Variants in ZNG1E observed in about 807,000 individuals in gnomAD.
ZNG1E encodes zinc-regulated GTPase metalloprotein activator 1E.
chr9:65,708,798 ATT>A, the ZNG1E span: 1 of 595,806 alleles, frequency 1.7e-6, no homozygotes, highest in Non-Finnish European at 3.0e-6. Context: ...ACTTCTATGA[ATT>A]TTATGTATAA....
the ZNG1E span, among the ~76,000 whole-genome samples, chr9:65,666,827 T>C: frequency 1.3e-5 from 2 of 152,132 alleles, no homozygotes; most frequent in African/African-American, 2.4e-5. Context: ...TTTTCTTTTT[T>C]TTTTCCTTTG....
chr9:65,722,182 A>G, the ZNG1E span, among the ~76,000 whole-genome samples: 9 of 103,582 alleles, frequency 8.7e-5, no homozygotes, highest in South Asian at 3.7e-4. Context: ...GTGACCCTTC[A>G]TATTCAGACT....
chr9:65,680,246 A>G, the ZNG1E span, among the ~76,000 whole-genome samples: 1 of 152,226 alleles, frequency 6.6e-6, no homozygotes, highest in South Asian at 2.1e-4. Context: ...GTAAAAAGTA[A>G]AAGAGCTAGG....
At chr9:65,687,375 T>C in the ZNG1E span, among the ~76,000 whole-genome samples, 147 of 144,824 alleles carry the variant, frequency 1.0e-3, no homozygotes, top group Middle Eastern at 0.014. Flanking sequence ...CTTTTCAAGT[T>C]ACAGGTACTG....
the ZNG1E span, chr9:65,701,115 A>G: frequency 7.5e-6 from 1 of 133,472 alleles, no homozygotes; most frequent in South Asian, 2.6e-4. Flanking sequence ...AGCCCTATAC[A>G]GAGAGACATT....
At chr9:65,661,485 G>C in the ZNG1E span, among the ~76,000 whole-genome samples, 1 of 152,188 alleles carries the variant, frequency 6.6e-6, no homozygotes, top group South Asian at 2.1e-4. Flanking sequence ...GAAGATCTAA[G>C]GCAACTGGAT....
chr9:65,693,572 T>C, the ZNG1E span: 1 of 1,111,912 alleles, frequency 9.0e-7, no homozygotes, highest in South Asian at 1.5e-5. Context: ...TTTTTTTTTT[T>C]TTTGAGACAG....
the ZNG1E span, among the ~76,000 whole-genome samples, chr9:65,679,933 TTCTGTTATTAG>T: frequency 1.3e-5 from 2 of 152,262 alleles, no homozygotes. Flanking sequence ...TTGAAAATGC[TTCTGTTATTAG>T]TTAACTTTGT....
chr9:65,659,430 G>A, the ZNG1E span, among the ~76,000 whole-genome samples: 1 of 151,354 alleles, frequency 6.6e-6, no homozygotes, highest in Admixed American at 6.6e-5. Flanking sequence ...AGGAGGTGGA[G>A]GTTGCAGTGA....
At chr9:65,684,550 G>GCACACACA in the ZNG1E span, among the ~76,000 whole-genome samples, 240 of 132,648 alleles carry the variant, frequency 1.8e-3, no homozygotes, top group African/African-American at 6.8e-3. Flanking sequence ...ACACACGCAC[G>GCACACACA]CACACACACA....
chr9:65,691,733 C>T, the ZNG1E span, among the ~76,000 whole-genome samples: 3 of 152,058 alleles, frequency 2.0e-5, no homozygotes, highest in African/African-American at 7.2e-5. Flanking sequence ...GAATTAAACA[C>T]TCCTCCCTTA....
the ZNG1E span, among the ~76,000 whole-genome samples, chr9:65,709,687 CT>C: frequency 1.4e-5 from 2 of 137,980 alleles, no homozygotes; most frequent in African/African-American, 5.8e-5. Flanking sequence ...TGAACTCATC[CT>C]TTTTTATGGC....
the ZNG1E span, among the ~76,000 whole-genome samples, chr9:65,680,181 C>CA: frequency 6.6e-6 from 1 of 150,838 alleles, no homozygotes; most frequent in Non-Finnish European, 1.5e-5. Flanking sequence ...CACTTCTAGC[C>CA]AAAAAACAAT....
the ZNG1E span, among the ~76,000 whole-genome samples, chr9:65,671,287 G>T: frequency 7.2e-5 from 11 of 151,824 alleles, no homozygotes; most frequent in South Asian, 2.1e-4. Flanking sequence ...ATTTTGTAAG[G>T]TGGGAACAAG....
chr9:65,714,879 G>A, the ZNG1E span, among the ~76,000 whole-genome samples: 1 of 152,096 alleles, frequency 6.6e-6, no homozygotes, highest in South Asian at 2.1e-4. Context: ...CCCAGAGGTG[G>A]AGCCTACAGA....
the ZNG1E span, among the ~76,000 whole-genome samples, chr9:65,684,413 A>T: frequency 6.6e-6 from 1 of 152,130 alleles, no homozygotes; most frequent in Non-Finnish European, 1.5e-5. Context: ...GGCGCACCCC[A>T]TAATCCCAGC....
At chr9:65,672,645 G>C in the ZNG1E span, among the ~76,000 whole-genome samples, 1 of 151,074 alleles carries the variant, frequency 6.6e-6, no homozygotes, top group African/African-American at 2.5e-5. Flanking sequence ...TCAGGAAGCT[G>C]AGGCAGGAGA....
At chr9:65,666,205 T>C in the ZNG1E span, among the ~76,000 whole-genome samples, 3 of 150,608 alleles carry the variant, frequency 2.0e-5, no homozygotes, top group South Asian at 4.4e-4. Context: ...ACCCAAATCT[T>C]ATCTTGGATT....
chr9:65,715,276 C>A, the ZNG1E span, among the ~76,000 whole-genome samples: 1 of 148,846 alleles, frequency 6.7e-6, no homozygotes, highest in South Asian at 2.1e-4. Context: ...AGCATGCACC[C>A]ACTGACCTGC....
Sources: allele counts gnomAD v4.1 joint callset (sites outside exome capture counted in the v4.1 genomes callset), GRCh38; gene constraint gnomAD v4.1.1; transcripts MANE v1.5; gene names NCBI Gene and HGNC (gene_info 2026-07-23, HGNC 2026-07-21).